RGS7: variants seen among roughly 807,000 people sequenced by gnomAD.
RGS7 encodes the protein regulator of G-protein signaling 7.
A neutral mutation model predicts 81.1 loss-of-function variants in RGS7; 27 were observed. The observed-to-expected ratio is 0.33, with a 90% CI of 0.25 to 0.46. The LOEUF is 0.46. Among genes scored for constraint, RGS7 ranks in the 20% least tolerant of loss-of-function variants. RGS7 has a pLI of 1.00. For synonymous variants in RGS7, 208 were observed against 207.7 expected (o/e 1.00, Z -0.01); for missense variants, 396 against 607.4 (o/e 0.65, Z 3.66).
At chr1:240,845,253 G>T (rs1658860888) in intron 9 of RGS7, among the ~76,000 whole-genome samples, 1 of 152,132 alleles carries the variant, frequency 6.6e-6, no homozygotes, top group East Asian at 1.9e-4. Flanking sequence ...CTTTCCAGCA[G>T]CCTAGCATGG....
At chr1:241,018,496 G>GTTTTGT (rs576883720) in intron 3 of RGS7, among the ~76,000 whole-genome samples, 2 of 152,006 alleles carry the variant, frequency 1.3e-5, no homozygotes, top group East Asian at 1.9e-4. Flanking sequence ...TCTAGTGTTT[G>GTTTTGT]TTTTGTTTTT....
chr1:241,065,102 T>A (rs2061983543), intron 3 of RGS7, among the ~76,000 whole-genome samples: 1 of 152,022 alleles, frequency 6.6e-6, no homozygotes, highest in South Asian at 2.1e-4. Flanking sequence ...TTATGTAAAT[T>A]TAACAAGCTA....
chr1:241,357,120 C>G lies in RGS7; in HGVS notation c.-272G>C, dbSNP rs1466352813. 3 of 152,388 alleles carry G rather than the reference C, an allele frequency of 2.0e-5. No individual in the cohort carries two copies. The highest frequency in any genetic ancestry group is 4.4e-5 in the Non-Finnish European group (3 of 68,236). 9.4% of individuals were successfully genotyped at this position (152,388 alleles called of 1,614,324 possible). On this transcript the variant is annotated 5_prime_UTR_variant, in exon 1 of 19. Transcript: ENST00000440928. ...CGGCTCCGGCAGCCGCCACTCGCGC[C>G]CGCTCCCCTGGGCCGCCTCGCTGGC...
chr1:240,910,283 G>A (rs1268253259), intron 6 of RGS7, among the ~76,000 whole-genome samples: 1 of 152,168 alleles, frequency 6.6e-6, no homozygotes, highest in Non-Finnish European at 1.5e-5. Flanking sequence ...TAAATGTGGG[G>A]CGTTTGGCCC....
intron 2 of RGS7, among the ~76,000 whole-genome samples, chr1:241,099,834 A>G (rs1233818324): frequency 6.6e-6 from 1 of 152,214 alleles, no homozygotes; most frequent in East Asian, 1.9e-4. Context: ...CCCTCAAAAA[A>G]TTCAGTCAAT....
At chr1:241,228,030 G>A (rs1320897526) in intron 2 of RGS7, among the ~76,000 whole-genome samples, 1 of 152,188 alleles carries the variant, frequency 6.6e-6, no homozygotes, top group Non-Finnish European at 1.5e-5. Flanking sequence ...TGGTGAAAGT[G>A]ACACTGAGTG....
intron 2 of RGS7, among the ~76,000 whole-genome samples, chr1:241,221,006 AAAGGAAGGAAGGAAGG>A (rs58113561): frequency 3.5e-5 from 3 of 84,550 alleles, no homozygotes; most frequent in Non-Finnish European, 4.9e-5. Context: ...AGAGAGAGAG[AAAGGAAGGAAGGAAGG>A]AAGGAAGGAA....
rs530101124 is a variant in RGS7, at chr1:241,327,840, T to A, written c.78+27859A>T. Among the ~76,000 whole-genome samples, 531 of 152,326 alleles carry A rather than the reference T, an allele frequency of 3.5e-3. 2 individuals are homozygous for A. Among genetic ancestry groups the A allele is most frequent in the Non-Finnish European group, 6.5e-3 (443 of 68,016 alleles). On this transcript the variant is annotated intron_variant, in intron 2 of 18. Transcript: ENST00000440928. ...ATAATTACAGATCTAAATTATCCTTTTTCCCAATACAATAATTATGCTTAA... is the reference window on the plus strand; with the variant it reads ...ATAATTACAGATCTAAATTATCCTTATTCCCAATACAATAATTATGCTTAA...
intron 9 of RGS7, among the ~76,000 whole-genome samples, chr1:240,854,553 GC>G (rs1660726397): frequency 6.6e-6 from 1 of 152,124 alleles, no homozygotes; most frequent in Non-Finnish European, 1.5e-5. Context: ...GAGACGCTAC[GC>G]CTCGTCTGGA....
intron 9 of RGS7, among the ~76,000 whole-genome samples, chr1:240,837,952 C>A (rs1694979097): frequency 6.6e-6 from 1 of 152,098 alleles, no homozygotes; most frequent in Admixed American, 6.6e-5. Context: ...TGGAATTAAC[C>A]TTGAATTACA....
At chr1:241,353,534 A>C in intron 2 of RGS7, among the ~76,000 whole-genome samples, 1 of 152,210 alleles carries the variant, frequency 6.6e-6, no homozygotes, top group East Asian at 1.9e-4. Context: ...AGAATACAAG[A>C]ATAGACAGAC....
At chr1:241,242,932 T>G (rs2076334960) in intron 2 of RGS7, among the ~76,000 whole-genome samples, 1 of 152,228 alleles carries the variant, frequency 6.6e-6, no homozygotes, top group Non-Finnish European at 1.5e-5. Context: ...CTGTGGGTTG[T>G]CTGTTTATAC....
chr1:240,948,293 T>C (rs896865551), intron 4 of RGS7, among the ~76,000 whole-genome samples: 55 of 152,268 alleles, frequency 3.6e-4, no homozygotes, highest in African/African-American at 8.7e-4. Flanking sequence ...ATCTACTCTC[T>C]GACAGTGACT....
chr1:240,818,079 C>CT (rs2103128001), intron 10 of RGS7, among the ~76,000 whole-genome samples: 1 of 151,870 alleles, frequency 6.6e-6, no homozygotes, highest in African/African-American at 2.4e-5. Context: ...TCTTTTTTTT[C>CT]TTTTTTTATA....
intron 2 of RGS7, among the ~76,000 whole-genome samples, chr1:241,110,250 G>A (rs1250645490): frequency 6.6e-6 from 1 of 152,068 alleles, no homozygotes; most frequent in Non-Finnish European, 1.5e-5. Context: ...AACCCTGGAA[G>A]TCCGAATCAA....
chr1:241,100,374 CAAAA>C (rs753787286), intron 2 of RGS7, among the ~76,000 whole-genome samples: 1 of 80,456 alleles, frequency 1.2e-5, no homozygotes, highest in Non-Finnish European at 2.5e-5. Context: ...GACTCCATTT[CAAAA>C]AAAAAAAAAA....
intron 6 of RGS7, among the ~76,000 whole-genome samples, chr1:240,925,329 C>T (rs1674264825): frequency 6.6e-6 from 1 of 152,018 alleles, no homozygotes; most frequent in East Asian, 1.9e-4. Flanking sequence ...TCTTTATGCC[C>T]ATGTATACCC....
chr1:240,849,583 T>C (rs563295841), intron 9 of RGS7, among the ~76,000 whole-genome samples: 1 of 152,158 alleles, frequency 6.6e-6, no homozygotes, highest in Non-Finnish European at 1.5e-5. Context: ...GTTTGGATCA[T>C]GGGGGTGGAT....
intron 3 of RGS7, among the ~76,000 whole-genome samples, chr1:241,057,140 T>C (rs1301317600): frequency 1.3e-5 from 2 of 152,184 alleles, no homozygotes; most frequent in African/African-American, 4.8e-5. Context: ...ATAGCCAAAT[T>C]GATAATTTTA....
Sources: gnomAD v4.1 joint callset for allele counts (sites outside exome capture counted in the v4.1 genomes callset) on GRCh38, gnomAD v4.1.1 for gene constraint, MANE v1.5 for transcripts, NCBI Gene and HGNC (gene_info 2026-07-23, HGNC 2026-07-21) for gene names.